Variants in FANCL observed in about 807,000 individuals in gnomAD.
FANCL encodes E3 ubiquitin-protein ligase FANCL.
A neutral mutation model predicts 59.4 loss-of-function variants in FANCL; 69 were observed. The observed-to-expected ratio is 1.16, with a 90% confidence interval of 0.96 to 1.42. FANCL has a LOEUF of 1.42. FANCL is among the 40% of genes most tolerant of loss of function. The probability of loss-of-function intolerance (pLI) is 0.00; values close to 1 mark genes in which losing one functional copy is unlikely to be tolerated. For missense variants in FANCL, 519 were observed against 447.2 expected (o/e 1.16, Z -1.45); for synonymous variants, 180 against 147.1 (o/e 1.22, Z -1.62).
chr2:58,210,757 G>A (rs1245976845), intron 5 of FANCL, among the ~76,000 whole-genome samples: 2 of 152,032 alleles, frequency 1.3e-5, no homozygotes, highest in Admixed American at 6.6e-5. Context: ...CAAAACAAAG[G>A]AGCTACAGGC....
chr2:58,190,433 A>G (rs958184061), intron 7 of FANCL, among the ~76,000 whole-genome samples: 1 of 150,482 alleles, frequency 6.6e-6, no homozygotes, highest in Non-Finnish European at 1.5e-5. Flanking sequence ...TTTCAATCTT[A>G]TCCTTAGCAT....
In FANCL at chr2:58,163,938, C is replaced by T. The variant is rs74832762; in HGVS notation, c.692-421G>A. Among the ~76,000 whole-genome samples, 20 of 151,804 alleles carry T rather than the reference C, an allele frequency of 1.3e-4. No individual in the cohort carries two copies. The East Asian group carries it at 3.7e-3, about 28-fold the overall frequency. On this transcript the variant is annotated intron_variant, in intron 8 of 13. Coordinates refer to ENST00000233741, the MANE Select transcript of FANCL (RefSeq NM_018062.4). ...GAACTATGGCCAAATGTAAAAAGACCAACAATACAGTAAATGGTAAAAACA... is the reference window on the plus strand; with the variant it reads ...GAACTATGGCCAAATGTAAAAAGACTAACAATACAGTAAATGGTAAAAACA...
chr2:58,194,485 A>G (rs897690363), intron 7 of FANCL, among the ~76,000 whole-genome samples: 4 of 152,222 alleles, frequency 2.6e-5, no homozygotes, highest in Non-Finnish European at 5.9e-5. Context: ...TAAAATCTAT[A>G]AAAGATTAAC....
chr2:58,180,561 G>C (rs186895103), intron 7 of FANCL, among the ~76,000 whole-genome samples: 3 of 152,050 alleles, frequency 2.0e-5, no homozygotes, highest in African/African-American at 7.2e-5. Flanking sequence ...CTGTCGGGGG[G>C]TGGGGGACTA....
Position 58,204,121 on chromosome 2 carries a change from G to C in FANCL, c.471+9C>G, listed in dbSNP as rs376716140. ...TCTGATCACAATAACAGTTTAACGA[G>C]GCACATACCTTTGCCTTCAACTTGA... On this transcript the variant is annotated intron_variant, in intron 6 of 13. Coordinates refer to ENST00000233741, the MANE Select transcript of FANCL (RefSeq NM_018062.4). The C allele has an allele frequency of 1.1e-5, 17 of 1,602,336 alleles. No homozygotes were observed. In the African/African-American group the frequency reaches 1.9e-4, roughly 18 times the overall value.
At chr2:58,194,678 A>G (rs1457470392) in intron 7 of FANCL, among the ~76,000 whole-genome samples, 1 of 152,034 alleles carries the variant, frequency 6.6e-6, no homozygotes, top group Non-Finnish European at 1.5e-5. Context: ...GTTGCTGATC[A>G]TGCTGTGAGA....
chr2:58,211,392 G>A (rs1217527920), intron 5 of FANCL, among the ~76,000 whole-genome samples: 1 of 152,118 alleles, frequency 6.6e-6, no homozygotes, highest in East Asian at 1.9e-4. Context: ...CACAGTGCTG[G>A]GACCCTGTGC....
intron 7 of FANCL, among the ~76,000 whole-genome samples, chr2:58,169,258 G>C (rs886120825): frequency 1.3e-5 from 2 of 152,172 alleles, no homozygotes; most frequent in Non-Finnish European, 1.5e-5. Context: ...GTGATACCCA[G>C]GCAAACAAGG....
intron 5 of FANCL, 84 bp downstream of exon 5, chr2:58,221,858 G>A: frequency 1.1e-6 from 1 of 914,246 alleles, no homozygotes; most frequent in African/African-American, 1.7e-5. Flanking sequence ...ACTAAAATCA[G>A]GTATAAACTG....
intron 5 of FANCL, among the ~76,000 whole-genome samples, chr2:58,206,317 G>A (rs201046109): frequency 6.6e-6 from 1 of 151,642 alleles, no homozygotes; most frequent in East Asian, 1.9e-4. Flanking sequence ...AATATTGCAT[G>A]TAGGCAGATT....
In FANCL at chr2:58,223,685, G is replaced by C. The variant is rs1692698612; in HGVS notation, c.274-1643C>G. Among the ~76,000 whole-genome samples the C allele has an allele frequency of 2.0e-5, 3 of 151,924 alleles. No homozygotes were observed. The South Asian group carries it at 6.2e-4, about 31-fold the overall frequency. On this transcript the variant is annotated intron_variant, in intron 4 of 13. Coordinates refer to ENST00000233741, the MANE Select transcript of FANCL (RefSeq NM_018062.4). ...TGACTTTAACAATTCCTATTTTGAG[G>C]CCTTAGGCTTCAGTGGCTCAGCTCT...
intron 7 of FANCL, among the ~76,000 whole-genome samples, chr2:58,175,810 G>A (rs1260608286): frequency 6.6e-6 from 1 of 151,772 alleles, no homozygotes; most frequent in Non-Finnish European, 1.5e-5. Flanking sequence ...AGGAAATAAA[G>A]GGTATTCAAT....
intron 1 of FANCL, among the ~76,000 whole-genome samples, chr2:58,232,672 T>C (rs1432104823): frequency 6.6e-6 from 1 of 152,016 alleles, no homozygotes; most frequent in Non-Finnish European, 1.5e-5. Context: ...TCTAACTTTT[T>C]TGAAATCAGT....
At chr2:58,177,264 A>C (rs1016728958) in intron 7 of FANCL, among the ~76,000 whole-genome samples, 5 of 152,180 alleles carry the variant, frequency 3.3e-5, no homozygotes, top group Non-Finnish European at 5.9e-5. Flanking sequence ...CATTTGACCC[A>C]GCCATCCCAT....
At position 58,204,232 on chromosome 2, in the gene FANCL, G is replaced by A. The variant is rs773848254; in HGVS notation, c.375-6C>T. 22 of 1,607,694 alleles carry A rather than the reference G, an allele frequency of 1.4e-5. No individual in the cohort carries two copies. Among genetic ancestry groups the A allele is most frequent in the Non-Finnish European group, 1.7e-5 (20 of 1,174,420 alleles). On this transcript the variant is annotated splice_polypyrimidine_tract_variant and splice_region_variant and intron_variant, in intron 5 of 13. Transcript: ENST00000233741. ...AGGTATCCGCATACACAAGTCTGGT[G>A]AGCAGAGGAGAATAAAAAATGATCA...
At chr2:58,218,777 G>C (rs1484490040) in intron 5 of FANCL, among the ~76,000 whole-genome samples, 1 of 151,946 alleles carries the variant, frequency 6.6e-6, no homozygotes, top group Non-Finnish European at 1.5e-5. Context: ...TCTCCCTGTT[G>C]GAGTATGAGA....
intron 6 of FANCL, among the ~76,000 whole-genome samples, chr2:58,199,980 T>C (rs1381895427): frequency 6.6e-6 from 1 of 151,906 alleles, no homozygotes; most frequent in Non-Finnish European, 1.5e-5. Context: ...CAATAATAAG[T>C]TGGCTAAAAA....
chr2:58,204,305 T>C, intron 5 of FANCL, 79 bp from the exon 6 acceptor site: 1 of 1,046,848 alleles, frequency 9.6e-7, no homozygotes, highest in South Asian at 1.3e-5. Context: ...GAATTTGAAA[T>C]GAAAATATTT....
chr2:58,159,878 C>A, intron 13 of FANCL, 78 bp from the exon 14 acceptor site: 2 of 1,592,458 alleles, frequency 1.3e-6, no homozygotes, highest in South Asian at 2.3e-5. Context: ...GAAATAGTGT[C>A]ATAGAATAGT....
Sources: gnomAD v4.1 joint callset for allele counts (sites outside exome capture counted in the v4.1 genomes callset) on GRCh38, gnomAD v4.1.1 for gene constraint, MANE v1.5 for transcripts, NCBI Gene and HGNC (gene_info 2026-07-23, HGNC 2026-07-21) for gene names.